The following SASH1 variants were observed in gnomAD, a reference collection of about 807,000 sequenced individuals.
SASH1 encodes the protein SAM and SH3 domain containing 1, also known as SAM and SH3 domain-containing protein 1.
SASH1 carries 44 observed loss-of-function variants against 125.2 expected under a neutral mutation model. The ratio of observed to expected loss-of-function variants is 0.35; its 90% CI spans 0.28 to 0.45. The LOEUF is 0.45. SASH1 is among the 20% of genes least tolerant of loss of function. SASH1 has a pLI of 1.00. For synonymous variants in SASH1, 639 were observed against 649.1 expected, an observed-to-expected ratio of 0.98 and a Z score of 0.24; for missense variants, 1,426 against 1,614.5, an observed-to-expected ratio of 0.88 and a Z score of 2.00.
chr6:148,473,474 G>A (rs574977098), intron 6 of SASH1, among the ~76,000 whole-genome samples: 4 of 152,154 alleles, frequency 2.6e-5, no homozygotes, highest in African/African-American at 7.2e-5. Context: ...GGCTGGTCTC[G>A]AACTCCTAAC....
the SASH1 span, among the ~76,000 whole-genome samples, chr6:148,267,077 G>A: frequency 6.6e-6 from 1 of 152,046 alleles, no homozygotes; most frequent in Non-Finnish European, 1.5e-5. Flanking sequence ...AGTCTAGTTC[G>A]CTTACCTGTA....
chr6:148,532,978 C>T lies in SASH1; in HGVS notation c.1734+12C>T. The T allele has an allele frequency of 2.5e-6, 4 of 1,613,246 alleles. No homozygotes were observed. The highest frequency in any genetic ancestry group is 3.4e-6 in the Non-Finnish European group (4 of 1,179,388). On this transcript the variant is annotated intron_variant, in intron 14 of 19. Transcript: ENST00000367467. The surrounding 1 kb of genome is among the most constrained non-coding windows in gnomAD (Gnocchi z 4.7). Reference sequence around the variant, plus strand: ...CACTCAAGCTCAAGGTATCTCTCTCCCTGGCCTCAGAGCAGCTAACTGGGC... The same window carrying T: ...CACTCAAGCTCAAGGTATCTCTCTCTCTGGCCTCAGAGCAGCTAACTGGGC...
intron 1 of SASH1, among the ~76,000 whole-genome samples, chr6:148,286,276 T>C (rs1779480411): frequency 6.6e-6 from 1 of 151,972 alleles, no homozygotes; most frequent in African/African-American, 2.4e-5. Context: ...TGGCGTATGC[T>C]TGTAGTCCCA....
At chr6:148,448,142 G>GTGTGTGTA in intron 4 of SASH1, among the ~76,000 whole-genome samples, 1 of 117,976 alleles carries the variant, frequency 8.5e-6, no homozygotes, top group Admixed American at 8.5e-5. Context: ...GTGTGTGTAT[G>GTGTGTGTA]TGTGTGTGTG....
At chr6:148,194,818 A>G in the SASH1 span, among the ~76,000 whole-genome samples, 2 of 152,210 alleles carry the variant, frequency 1.3e-5, no homozygotes, top group African/African-American at 4.8e-5. Flanking sequence ...AGGCAGGAAA[A>G]TGGCGTGAAC....
chr6:148,381,734 TTC>T (rs1783147938), intron 1 of SASH1, among the ~76,000 whole-genome samples: 1 of 146,984 alleles, frequency 6.8e-6, no homozygotes, highest in Admixed American at 7.1e-5. Context: ...GCTCAAGTGA[TTC>T]TCTCGCCTCA....
the SASH1 span, among the ~76,000 whole-genome samples, chr6:148,227,444 G>A: frequency 2.0e-4 from 30 of 152,178 alleles, no homozygotes; most frequent in African/African-American, 5.3e-4. Flanking sequence ...TGCAACCTCC[G>A]CCTCCCGAGT....
At chr6:148,531,208 G>A (rs184119931) in intron 12 of SASH1, among the ~76,000 whole-genome samples, 60 of 152,198 alleles carry the variant, frequency 3.9e-4, no homozygotes, top group African/African-American at 1.2e-3. Context: ...TTGCTACTGG[G>A]CTTTTGCGTA....
chr6:148,522,014 T>C (rs1780845407), intron 10 of SASH1, among the ~76,000 whole-genome samples: 1 of 152,254 alleles, frequency 6.6e-6, no homozygotes, highest in Admixed American at 6.5e-5. Context: ...TTCTGGGATT[T>C]GTGCTAGTTA....
chr6:148,403,656 TA>T (rs1784265822), intron 2 of SASH1, among the ~76,000 whole-genome samples: 2 of 152,052 alleles, frequency 1.3e-5, no homozygotes, highest in African/African-American at 2.4e-5. Context: ...CTCAGCCTCC[TA>T]AGTAGCTGGG....
In SASH1 at chr6:148,501,685, G is replaced by A. The variant is rs541395280; in HGVS notation, c.730-12639G>A. On this transcript the variant is annotated intron_variant, in intron 8 of 19. Coordinates refer to ENST00000367467, the MANE Select transcript of SASH1 (RefSeq NM_015278.5). ...GCCCCAGGCAGAAATGTCTTCCAAA[G>A]ATTTACAGAGTGAAGGAGAAGCCAG... Among the ~76,000 whole-genome samples the A allele has an allele frequency of 2.6e-5, 4 of 152,228 alleles. No individual in the cohort carries two copies. The South Asian group carries it at 8.3e-4, about 32-fold the overall frequency.
intron 2 of SASH1, among the ~76,000 whole-genome samples, chr6:148,399,401 T>G (rs1318796891): frequency 6.6e-6 from 1 of 151,900 alleles, no homozygotes; most frequent in East Asian, 1.9e-4. Flanking sequence ...AATTTTTGTA[T>G]TTTTAGTAGA....
intron 1 of SASH1, among the ~76,000 whole-genome samples, chr6:148,313,768 T>C (rs141607724): frequency 6.6e-6 from 1 of 152,304 alleles, no homozygotes; most frequent in East Asian, 1.9e-4. Context: ...AATTAGATAC[T>C]GCTACCTGCT....
chr6:148,252,592 C>T, the SASH1 span, among the ~76,000 whole-genome samples: 158 of 152,134 alleles, frequency 1.0e-3, 1 homozygote, highest in Non-Finnish European at 1.6e-3. Flanking sequence ...GATTGTCCTG[C>T]CTCAGCCTCC....
chr6:148,360,899 T>C (rs1484731656), intron 1 of SASH1, among the ~76,000 whole-genome samples: 1 of 152,114 alleles, frequency 6.6e-6, no homozygotes, highest in African/African-American at 2.4e-5. Context: ...GGTATCTGAG[T>C]GTGACTTTGT....
chr6:148,209,359 G>A, the SASH1 span, among the ~76,000 whole-genome samples: 4 of 152,198 alleles, frequency 2.6e-5, no homozygotes, highest in African/African-American at 9.6e-5. Flanking sequence ...AAGAGATGAA[G>A]CAGACTCATC....
chr6:148,207,374 G>A, the SASH1 span, among the ~76,000 whole-genome samples: 4 of 152,156 alleles, frequency 2.6e-5, no homozygotes, highest in African/African-American at 9.7e-5. Flanking sequence ...CTACCACACT[G>A]AACGGGGCAG....
At chr6:148,210,482 A>C in the SASH1 span, among the ~76,000 whole-genome samples, 11 of 152,200 alleles carry the variant, frequency 7.2e-5, no homozygotes, top group African/African-American at 2.7e-4. Context: ...GCAGTGAGCC[A>C]AGATCGCGCC....
intron 1 of SASH1, among the ~76,000 whole-genome samples, chr6:148,333,684 C>T (rs1029846166): frequency 6.6e-6 from 1 of 152,022 alleles, no homozygotes; most frequent in Non-Finnish European, 1.5e-5. Context: ...GCCTCAGCCT[C>T]CTGAGTAGCT....
Sources: gnomAD v4.1 joint callset for allele counts (sites outside exome capture counted in the v4.1 genomes callset) on GRCh38, gnomAD v4.1.1 for gene constraint, Gnocchi (gnomAD v3.1) non-coding constraint, MANE v1.5 for transcripts, NCBI Gene and HGNC (gene_info 2026-07-23, HGNC 2026-07-21) for gene names.